Variants in AKAP19 observed in about 807,000 individuals in gnomAD.
AKAP19 encodes the protein A-kinase anchoring protein 19, also known as small A-kinase anchoring protein.
chr2:189,889,458 G>T, the AKAP19 span, among the ~76,000 whole-genome samples: 1 of 152,266 alleles, frequency 6.6e-6, no homozygotes, highest in Non-Finnish European at 1.5e-5. Context: ...GACTTAAGGA[G>T]GATTCCCTCT....
the AKAP19 span, among the ~76,000 whole-genome samples, chr2:190,007,230 T>C: frequency 7.2e-4 from 109 of 152,292 alleles, 1 homozygote; most frequent in Middle Eastern, 3.4e-3. Context: ...GGTACAGAAA[T>C]AGGAATCATT....
the AKAP19 span, among the ~76,000 whole-genome samples, chr2:189,984,843 T>C: frequency 2.0e-5 from 3 of 152,172 alleles, no homozygotes; most frequent in East Asian, 5.8e-4. Context: ...TGCAACATTT[T>C]GGGGGATCTA....
At chr2:190,167,040 A>G in the AKAP19 span, among the ~76,000 whole-genome samples, 2 of 152,262 alleles carry the variant, frequency 1.3e-5, no homozygotes, top group African/African-American at 2.4e-5. Context: ...AAGTTAGGAT[A>G]CCATCCAAAA....
At chr2:189,937,174 A>T in the AKAP19 span, among the ~76,000 whole-genome samples, 1 of 152,126 alleles carries the variant, frequency 6.6e-6, no homozygotes, top group African/African-American at 2.4e-5. Flanking sequence ...CAAACTAAAA[A>T]ACAATAACAG....
At chr2:189,979,721 A>G in the AKAP19 span, among the ~76,000 whole-genome samples, 6 of 152,160 alleles carry the variant, frequency 3.9e-5, no homozygotes, top group Middle Eastern at 3.2e-3. Flanking sequence ...TAAACAAATC[A>G]ACAAGAAAAA....
At chr2:190,012,756 T>C in the AKAP19 span, among the ~76,000 whole-genome samples, 1 of 152,242 alleles carries the variant, frequency 6.6e-6, no homozygotes, top group African/African-American at 2.4e-5. Context: ...TTGTCATATA[T>C]GGCCTTTATT....
At chr2:190,055,048 A>G in the AKAP19 span, among the ~76,000 whole-genome samples, 3 of 152,266 alleles carry the variant, frequency 2.0e-5, no homozygotes, top group Non-Finnish European at 2.9e-5. Context: ...TTGCAGCACT[A>G]TTCACAATAG....
chr2:190,145,465 A>G, the AKAP19 span, among the ~76,000 whole-genome samples: 1 of 152,236 alleles, frequency 6.6e-6, no homozygotes, highest in Non-Finnish European at 1.5e-5. Flanking sequence ...GATAATATCT[A>G]TATAATATAC....
At chr2:190,038,943 CT>C in the AKAP19 span, among the ~76,000 whole-genome samples, 3 of 144,222 alleles carry the variant, frequency 2.1e-5, no homozygotes, top group African/African-American at 8.1e-5. Flanking sequence ...TCTTCTTCTT[CT>C]TCTTCTTCTT....
At chr2:189,904,573 G>A in the AKAP19 span, among the ~76,000 whole-genome samples, 11 of 151,904 alleles carry the variant, frequency 7.2e-5, no homozygotes, top group South Asian at 1.7e-3. Flanking sequence ...CATCATTATC[G>A]TTTTGAGGAC....
chr2:190,154,902 A>T, the AKAP19 span, among the ~76,000 whole-genome samples: 3 of 152,146 alleles, frequency 2.0e-5, no homozygotes, highest in African/African-American at 7.2e-5. Context: ...TGTAGAAGAG[A>T]TCTGTGTTTG....
At chr2:190,061,042 A>G in the AKAP19 span, among the ~76,000 whole-genome samples, 1 of 152,090 alleles carries the variant, frequency 6.6e-6, no homozygotes, top group African/African-American at 2.4e-5. Flanking sequence ...GAAAAGTTCG[A>G]AAGTATTGTC....
chr2:189,885,529 C>A, the AKAP19 span, among the ~76,000 whole-genome samples: 1,489 of 152,292 alleles, frequency 9.8e-3, 10 homozygotes, highest in Non-Finnish European at 0.014. Context: ...GAGAACCACC[C>A]AGCTGAGCTC....
the AKAP19 span, chr2:189,923,586 T>C: frequency 6.2e-6 from 10 of 1,613,974 alleles, no homozygotes; most frequent in Admixed American, 1.7e-5. Context: ...GATATTAACC[T>C]GGCTGCAGAG....
chr2:190,077,439 T>TTTTAACATGATGTTAACATG, the AKAP19 span, among the ~76,000 whole-genome samples: 2 of 146,176 alleles, frequency 1.4e-5, no homozygotes, highest in East Asian at 2.0e-4. Flanking sequence ...ATGTTAAACA[T>TTTTAACATGATGTTAACATG]TTAAAATGTT....
chr2:190,175,280 G>A, the AKAP19 span, among the ~76,000 whole-genome samples: 31 of 152,142 alleles, frequency 2.0e-4, no homozygotes, highest in Admixed American at 2.6e-4. Context: ...GCTTGTTTAC[G>A]GACAGATGCA....
chr2:190,064,356 C>G, the AKAP19 span, among the ~76,000 whole-genome samples: 49,280 of 151,912 alleles, frequency 0.32, 10,859 homozygotes, highest in African/African-American at 0.63. Flanking sequence ...GTAAATCTTT[C>G]AAATGTTATG....
the AKAP19 span, among the ~76,000 whole-genome samples, chr2:190,145,543 T>C: frequency 2.0e-5 from 3 of 152,162 alleles, no homozygotes; most frequent in Non-Finnish European, 1.5e-5. Flanking sequence ...TCCCATAAGA[T>C]TATAATACCA....
chr2:190,005,152 G>A, the AKAP19 span, among the ~76,000 whole-genome samples: 2 of 152,154 alleles, frequency 1.3e-5, no homozygotes, highest in East Asian at 3.9e-4. Context: ...AGGTTGTGCA[G>A]ACCCAAAGAG....
Sources: gnomAD v4.1 joint callset for allele counts (sites outside exome capture counted in the v4.1 genomes callset) on GRCh38, gnomAD v4.1.1 for gene constraint, MANE v1.5 for transcripts, NCBI Gene and HGNC (gene_info 2026-07-23, HGNC 2026-07-21) for gene names.